The following NCK1 variants were observed in gnomAD, a reference collection of about 807,000 sequenced individuals.
NCK1 encodes the protein SH2/SH3 adapter protein NCK1.
NCK1 carries 19 observed loss-of-function variants against 36.6 expected under a neutral mutation model. The ratio of observed to expected loss-of-function variants is 0.52; its 90% CI spans 0.36 to 0.76. NCK1 has a LOEUF of 0.76. Ranked by LOEUF, NCK1 falls within the 30% of genes least tolerant of loss-of-function variation. The pLI is 0.00. For missense variants in NCK1, 358 were observed against 445.6 expected (o/e 0.80, Z 1.77); for synonymous variants, 165 against 156.0 (o/e 1.06, Z -0.43).
intron 1 of NCK1, among the ~76,000 whole-genome samples, chr3:136,901,952 C>T (rs1193453196): frequency 6.6e-6 from 1 of 151,882 alleles, no homozygotes; most frequent in Non-Finnish European, 1.5e-5. Flanking sequence ...TAGATTGTTT[C>T]TTTAAAATCT....
At chr3:136,932,771 G>A (rs886362871) in intron 2 of NCK1, among the ~76,000 whole-genome samples, 1 of 152,164 alleles carries the variant, frequency 6.6e-6, no homozygotes, top group Non-Finnish European at 1.5e-5. Context: ...GTGTGTCATA[G>A]GAATTGAGCG....
At chr3:136,873,148 C>G (rs540677659) in intron 1 of NCK1, among the ~76,000 whole-genome samples, 153 of 152,278 alleles carry the variant, frequency 1.0e-3, no homozygotes, top group African/African-American at 3.6e-3. Context: ...TGCAGACACT[C>G]AATGCAAGCC....
chr3:136,913,501 C>G (rs1939880908), intron 1 of NCK1, among the ~76,000 whole-genome samples: 1 of 152,162 alleles, frequency 6.6e-6, no homozygotes, highest in East Asian at 1.9e-4. Context: ...CTCCTAGGCT[C>G]AAGCAGTCCT....
At chr3:136,935,181 T>G (rs1411638507) in intron 2 of NCK1, among the ~76,000 whole-genome samples, 5 of 152,160 alleles carry the variant, frequency 3.3e-5, no homozygotes. Flanking sequence ...GATTACAGTG[T>G]GAGCCCCCGT....
At chr3:136,910,550 C>CTTTT (rs1939807477) in intron 1 of NCK1, among the ~76,000 whole-genome samples, 1 of 152,172 alleles carries the variant, frequency 6.6e-6, no homozygotes, top group South Asian at 2.1e-4. Context: ...CATGCATTTA[C>CTTTT]TTTTACTTTA....
rs1272888894 is a variant in NCK1, at chr3:136,951,328, T to C, written c.*2875T>C. ...CCCACCTTGTTGCTGGGGTACCTTC[T>C]TCAGGGTACATCTAAACACAGTGGC... On this transcript the variant is annotated 3_prime_UTR_variant, in exon 4 of 4. Transcript: ENST00000481752. Among the ~76,000 whole-genome samples the C allele has an allele frequency of 6.6e-6, 1 of 152,216 alleles. No homozygotes were observed. Among genetic ancestry groups the C allele is most frequent in the Non-Finnish European group, 1.5e-5 (1 of 68,022 alleles).
intron 1 of NCK1, among the ~76,000 whole-genome samples, chr3:136,868,967 G>A (rs1938528351): frequency 6.6e-6 from 1 of 152,114 alleles, no homozygotes; most frequent in African/African-American, 2.4e-5. Flanking sequence ...GCCGGGCGCG[G>A]TGGCTCACGT....
chr3:136,884,710 T>C (rs1326452665), intron 1 of NCK1, among the ~76,000 whole-genome samples: 1 of 134,450 alleles, frequency 7.4e-6, no homozygotes, highest in Non-Finnish European at 1.6e-5. Flanking sequence ...TGAGCCACCA[T>C]GCCTGAGCTT....
At chr3:136,866,619 C>CT (rs1235706593) in intron 1 of NCK1, among the ~76,000 whole-genome samples, 127 of 142,794 alleles carry the variant, frequency 8.9e-4, no homozygotes, top group Non-Finnish European at 6.5e-4. Flanking sequence ...TTTCTTTCTT[C>CT]TTTTTTTTTT....
chr3:136,882,382 A>G (rs1938965202), intron 1 of NCK1, among the ~76,000 whole-genome samples: 1 of 152,126 alleles, frequency 6.6e-6, no homozygotes, highest in Non-Finnish European at 1.5e-5. Context: ...TTGAGTCTGA[A>G]CAGGTCTTTT....
intron 1 of NCK1, among the ~76,000 whole-genome samples, chr3:136,878,834 A>C (rs1938849135): frequency 6.6e-6 from 1 of 152,136 alleles, no homozygotes. Context: ...GGCCCTAGAC[A>C]CAATTGGAGG....
intron 1 of NCK1, among the ~76,000 whole-genome samples, chr3:136,894,038 C>T (rs1338789569): frequency 6.6e-6 from 1 of 152,162 alleles, no homozygotes; most frequent in Non-Finnish European, 1.5e-5. Flanking sequence ...ACCCTGCATT[C>T]CAGACAGATT....
chr3:136,886,128 A>T (rs533603848), intron 1 of NCK1, among the ~76,000 whole-genome samples: 9 of 152,350 alleles, frequency 5.9e-5, no homozygotes, highest in South Asian at 2.1e-4. Flanking sequence ...CAAATGAGGG[A>T]ATACTTAAGA....
At chr3:136,870,226 C>T (rs1429083060) in intron 1 of NCK1, among the ~76,000 whole-genome samples, 1 of 151,458 alleles carries the variant, frequency 6.6e-6, no homozygotes, top group Admixed American at 6.6e-5. Context: ...CCTGTAATCC[C>T]AGCTACTTGG....
chr3:136,896,154 C>T (rs1939385865), intron 1 of NCK1, among the ~76,000 whole-genome samples: 1 of 152,136 alleles, frequency 6.6e-6, no homozygotes, highest in Non-Finnish European at 1.5e-5. Context: ...ATTTAAAGTC[C>T]TCTCTTCTAT....
chr3:136,942,893 C>G (rs1940713534), intron 2 of NCK1, among the ~76,000 whole-genome samples: 1 of 152,194 alleles, frequency 6.6e-6, no homozygotes, highest in African/African-American at 2.4e-5. Context: ...TCAGGCAAAG[C>G]CAAGGCAAGC....
Position 136,946,079 on chromosome 3 carries a change from A to G in NCK1, c.723A>G (p.Leu241=), listed in dbSNP as rs773465348. The G allele has an allele frequency of 1.7e-5, 28 of 1,613,950 alleles. No individual in the cohort carries two copies. Among genetic ancestry groups the G allele is most frequent in the East Asian group, 2.2e-5 (1 of 44,874 alleles). The change falls in exon 3 of 4, where the codon CTA becomes CTG. Residue 241 remains leucine, a synonymous_variant. Coordinates refer to ENST00000481752, the MANE Select transcript of NCK1 (RefSeq NM_001291999.2). ...KCRKINGMVG[L]VPKNYVTVMQ... is the part of the protein sequence containing the mutation. ...GGAAGATCAATGGTATGGTTGGTCT[A>G]GTACCAAAAAACTATGTTACCGTTA...
intron 1 of NCK1, among the ~76,000 whole-genome samples, chr3:136,882,504 G>A (rs1437738985): frequency 6.6e-6 from 1 of 151,600 alleles, no homozygotes. Flanking sequence ...CCTCTTACTT[G>A]GCAGCATAAT....
Position 136,947,851 on chromosome 3 carries a change from A to T in NCK1, c.940-408A>T, listed in dbSNP as rs193175719. Among the ~76,000 whole-genome samples the T allele has an allele frequency of 1.5e-4, 23 of 152,290 alleles. No individual in the cohort carries two copies. The East Asian group carries it at 4.2e-3, about 28-fold the overall frequency. ...CTCTAAGACAGCTACTGTTAGCTACACATTGAAAAGGGGTTGGGTGGGTAT... is the reference window on the plus strand; with the variant it reads ...CTCTAAGACAGCTACTGTTAGCTACTCATTGAAAAGGGGTTGGGTGGGTAT... On this transcript the variant is annotated intron_variant, in intron 3 of 3. Transcript: ENST00000481752.
Sources: allele counts gnomAD v4.1 joint callset (sites outside exome capture counted in the v4.1 genomes callset), GRCh38; gene constraint gnomAD v4.1.1; transcripts MANE v1.5; gene names NCBI Gene and HGNC (gene_info 2026-07-23, HGNC 2026-07-21).